Variants in NLRC5 observed in about 807,000 individuals in gnomAD.
The protein encoded by NLRC5 is protein NLRC5.
NLRC5 carries 114 observed loss-of-function variants against 206.9 expected under a neutral mutation model. That is an observed-to-expected ratio of 0.55 (90% CI 0.47 to 0.64). The LOEUF (loss-of-function observed/expected upper bound fraction) is 0.64, where lower values mean the gene tolerates loss of function less well. NLRC5 is among the 30% of genes least tolerant of loss of function. The pLI, the probability that NLRC5 is intolerant of heterozygous loss-of-function variation, is 0.00. For missense variants in NLRC5, 2,008 were observed against 2,305.5 expected (o/e 0.87, Z 2.64); for synonymous variants, 952 against 962.8 (o/e 0.99, Z 0.21).
At chr16:57,040,295 A>G (rs1307312437) in intron 16 of NLRC5, among the ~76,000 whole-genome samples, 4 of 152,098 alleles carry the variant, frequency 2.6e-5, no homozygotes, top group East Asian at 1.9e-4. Flanking sequence ...CCCACCCACA[A>G]TCTCTTCTGT....
chr16:57,041,898 G>A (rs896895436), intron 18 of NLRC5, 84 bp from the exon 19 acceptor site: 15 of 904,908 alleles, frequency 1.7e-5, no homozygotes, highest in Non-Finnish European at 2.5e-5. Context: ...TCAGGAAGTT[G>A]AGTAACTGGA....
At chr16:57,054,971 C>T in intron 25 of NLRC5, 61 bp from the exon 26 acceptor site, 1 of 1,605,786 alleles carries the variant, frequency 6.2e-7, no homozygotes. Context: ...GGGTGCTGGC[C>T]CCGTGGGGGC....
At chr16:57,069,484 T>C (rs941364290) in intron 36 of NLRC5, among the ~76,000 whole-genome samples, 2 of 152,196 alleles carry the variant, frequency 1.3e-5, no homozygotes, top group Admixed American at 1.3e-4. Context: ...AGAAACTCTT[T>C]AGGACAGAGA....
intron 1 of NLRC5, among the ~76,000 whole-genome samples, chr16:56,996,693 T>G (rs2057656769): frequency 1.3e-5 from 2 of 152,222 alleles, no homozygotes; most frequent in Admixed American, 1.3e-4. Context: ...AATTTCATAA[T>G]GTATACTTCC....
chr16:57,026,524 G>A lies in NLRC5; in HGVS notation c.1581G>A (p.Met527Ile). The A allele has an allele frequency of 1.9e-6, 3 of 1,614,112 alleles. No individual in the cohort carries two copies. The highest frequency in any genetic ancestry group is 2.5e-6 in the Non-Finnish European group (3 of 1,180,024). Residue 527 changes from methionine (M) to isoleucine (I), a missense_variant, in exon 6 of 49, where the codon ATG becomes ATA. Coordinates refer to ENST00000688547, the MANE Select transcript of NLRC5 (RefSeq NM_001384950.1). ...AGTTTCTTGCTGCCCTGCACCTGAT[G>A]GCCAGCCCCAAGGTGAACAAAGACA... ...LQEFLAALHLMASPKVNKDTL... is the reference protein window; with the variant it reads ...LQEFLAALHLIASPKVNKDTL...
chr16:57,051,294 C>T (rs1320958156), intron 23 of NLRC5, among the ~76,000 whole-genome samples: 3 of 152,228 alleles, frequency 2.0e-5, no homozygotes, highest in African/African-American at 7.2e-5. Context: ...AGCAGCCTAT[C>T]GCAGCCTCAG....
At chr16:57,030,146 G>C in intron 10 of NLRC5, 62 bp downstream of exon 10, 2 of 1,374,550 alleles carry the variant, frequency 1.5e-6, no homozygotes, top group Non-Finnish European at 2.1e-6. Flanking sequence ...GGGAAAGTGG[G>C]ATGGGAAATG....
chr16:57,040,505 G>A lies in NLRC5; in HGVS notation c.2871-145G>A, dbSNP rs1411534051. The A allele has an allele frequency of 1.3e-5, 9 of 700,318 alleles. No homozygotes were observed. In the East Asian group the frequency reaches 2.1e-4, roughly 16 times the overall value. 43.4% of individuals were successfully genotyped at this position (700,318 alleles called of 1,614,324 possible). A position where few individuals can be genotyped will look rare whatever the true frequency, so the allele number is the denominator to read the frequency against. On this transcript the variant is annotated intron_variant, in intron 16 of 48. Coordinates refer to ENST00000688547, the MANE Select transcript of NLRC5 (RefSeq NM_001384950.1). The stretch of plus-strand genomic sequence containing the variant: ...GATTTGTCCAGGGTCACACAACCAG[G>A]AAGTGGAGAAGCCAAATTGGCACCA...
intron 1 of NLRC5, among the ~76,000 whole-genome samples, chr16:57,016,304 AT>A (rs2060100010): frequency 6.6e-6 from 1 of 152,202 alleles, no homozygotes; most frequent in African/African-American, 2.4e-5. Context: ...TTCCTTTCTT[AT>A]TTCTAATTAC....
Position 57,077,929 on chromosome 16 carries a change from C to A in NLRC5, c.5004-14C>A. 1.2e-6 allele frequency: 2 copies of A among 1,613,204 alleles called. No individual in the cohort carries two copies. The highest frequency in any genetic ancestry group is 1.1e-5 in the South Asian group (1 of 90,968). On this transcript the variant is annotated splice_polypyrimidine_tract_variant and intron_variant, in intron 42 of 48. Coordinates refer to ENST00000688547, the MANE Select transcript of NLRC5 (RefSeq NM_001384950.1). Reference sequence around the variant, plus strand: ...CAGGCCCAGTACTCAATGCTCATTCCTCTCCTCTTCCAGGCTTGGCTGCAA... The same window carrying A: ...CAGGCCCAGTACTCAATGCTCATTCATCTCCTCTTCCAGGCTTGGCTGCAA...
intron 16 of NLRC5, 147 bp downstream of exon 16, chr16:57,039,996 G>A (rs562784875): frequency 1.8e-5 from 13 of 742,806 alleles, no homozygotes; most frequent in Admixed American, 1.0e-4. Context: ...CTTGGCAAAG[G>A]ATGCAGCCCC....
chr16:57,031,286 TGC>T, intron 10 of NLRC5, 116 bp from the exon 11 acceptor site: 1 of 1,085,656 alleles, frequency 9.2e-7, no homozygotes, highest in African/African-American at 1.6e-5. Context: ...CCCTGTCAAT[TGC>T]AAAATCAGCT....
intron 4 of NLRC5, 65 bp from the exon 5 acceptor site, chr16:57,023,720 T>G: frequency 7.1e-7 from 1 of 1,407,056 alleles, no homozygotes; most frequent in Non-Finnish European, 9.9e-7. Context: ...CCCCAAAGGT[T>G]CTGGGTAACC....
At chr16:57,064,672 C>T (rs1342331808) in intron 32 of NLRC5, among the ~76,000 whole-genome samples, 1 of 152,174 alleles carries the variant, frequency 6.6e-6, no homozygotes, top group Non-Finnish European at 1.5e-5. Context: ...GCCTGTAATC[C>T]CAGCACTTTG....
intron 5 of NLRC5, among the ~76,000 whole-genome samples, 177 bp downstream of exon 5, chr16:57,024,030 G>T (rs934258999): frequency 1.3e-5 from 2 of 152,250 alleles, no homozygotes; most frequent in African/African-American, 2.4e-5. Context: ...AGAGGCCTGG[G>T]CTGGCAGCGA....
chr16:57,020,661 C>A, intron 2 of NLRC5, 40 bp from the exon 3 acceptor site: 1 of 1,436,634 alleles, frequency 7.0e-7, no homozygotes, highest in Non-Finnish European at 9.4e-7. Flanking sequence ...CCCCAGTTTA[C>A]CTGTCCCCCT....
At chr16:57,049,732 TCAAA>T (rs1295235081) in intron 23 of NLRC5, among the ~76,000 whole-genome samples, 69 of 143,432 alleles carry the variant, frequency 4.8e-4, no homozygotes, top group African/African-American at 1.7e-3. Flanking sequence ...AGACTCTGTC[TCAAA>T]TAAATAAATA....
In NLRC5 at chr16:57,046,564, C is replaced by A; in HGVS notation, c.3261C>A (p.Ala1087=). The A allele has an allele frequency of 6.2e-7, 1 of 1,613,810 alleles. No homozygotes were observed. The highest frequency in any genetic ancestry group is 8.5e-7 in the Non-Finnish European group (1 of 1,179,802). Residue 1087 remains alanine (A), a synonymous_variant, in exon 22 of 49, where the codon GCC becomes GCA. Transcript: ENST00000688547. ...RGDKTSRDMW[A]TGSLPDFPAA... ...ATCCCCCTCCTAGGGATATGTGGGC[C>A]ACTGGATCTTTGCCAGACTTCCCAG...
chr16:57,032,740 A>T (rs1339325830), intron 11 of NLRC5, among the ~76,000 whole-genome samples: 1 of 151,486 alleles, frequency 6.6e-6, no homozygotes, highest in Non-Finnish European at 1.5e-5. Context: ...TCATGTCTGT[A>T]ACCCCAGCAC....
Sources: allele counts gnomAD v4.1 joint callset (sites outside exome capture counted in the v4.1 genomes callset), GRCh38; gene constraint gnomAD v4.1.1; transcripts MANE v1.5; gene names NCBI Gene and HGNC (gene_info 2026-07-23, HGNC 2026-07-21).